The following INTS4 variants were observed in gnomAD, a reference collection of about 807,000 sequenced individuals.
The protein encoded by INTS4 is integrator complex subunit 4.
Under a neutral mutation model 119.5 loss-of-function variants are expected in INTS4, and 70 were observed. That is an observed-to-expected ratio of 0.59 (90% confidence interval 0.48 to 0.71). The LOEUF is 0.71. Ranked by LOEUF, INTS4 falls within the 30% of genes least tolerant of loss-of-function variation. INTS4 has a pLI of 0.00. For missense variants in INTS4, 867 were observed against 1,173.2 expected (o/e 0.74, Z 3.81); for synonymous variants, 316 against 419.6 (o/e 0.75, Z 3.02).
intron 15 of INTS4, 73 bp from the exon 16 acceptor site, chr11:77,907,883 G>A: frequency 2.1e-6 from 2 of 957,218 alleles, no homozygotes; most frequent in Admixed American, 2.1e-5. Flanking sequence ...CATGTCAAAA[G>A]CATTTTATCA....
rs1591099874 is a variant in INTS4 at position 77,952,569 on chromosome 11, T to C, written c.918+3373A>G. ...CTCATTTAGTAGGCCAGGAACTCTA[T>C]ACATAGTAGTAATTATTATTATCAG... On this transcript the variant is annotated intron_variant, in intron 8 of 22. Transcript: ENST00000534064. Among the ~76,000 whole-genome samples the C allele has an allele frequency of 2.0e-5, 3 of 152,334 alleles. No individual in the cohort carries two copies. In the East Asian group the frequency reaches 5.8e-4, roughly 29 times the overall value.
intron 8 of INTS4, among the ~76,000 whole-genome samples, chr11:77,955,053 T>G (rs1331550916): frequency 6.8e-6 from 1 of 147,708 alleles, no homozygotes; most frequent in African/African-American, 2.4e-5. Context: ...ATTAAGAAAT[T>G]CTGGGGCTGG....
At chr11:77,948,077 G>A (rs1161532994) in intron 8 of INTS4, among the ~76,000 whole-genome samples, 1 of 152,050 alleles carries the variant, frequency 6.6e-6, no homozygotes, top group Non-Finnish European at 1.5e-5. Context: ...TCAAACTCAT[G>A]AGCTCAAGTG....
intron 7 of INTS4, among the ~76,000 whole-genome samples, chr11:77,956,886 A>G (rs1461140306): frequency 3.9e-5 from 6 of 152,176 alleles, no homozygotes; most frequent in Non-Finnish European, 8.8e-5. Context: ...ACAGTTTGGA[A>G]TAAACAAATC....
intron 1 of INTS4, among the ~76,000 whole-genome samples, chr11:77,992,031 C>T (rs973069201): frequency 5.9e-5 from 9 of 151,930 alleles, no homozygotes; most frequent in Non-Finnish European, 1.3e-4. Context: ...GCCATGTTAC[C>T]CAGGCTGGTT....
rs553976871 is a variant in INTS4, at chr11:77,944,230, T to C, written c.919-2979A>G. 5.3e-5 allele frequency among the ~76,000 whole-genome samples: 8 copies of C among 152,306 alleles called. No individual in the cohort carries two copies. In the South Asian group the frequency reaches 8.3e-4, roughly 16 times the overall value. ...GAAACTATTCACTTTTTAAGCAAGA[T>C]AGACTCGAGGCTACAAAGCTAAGTT... On this transcript the variant is annotated intron_variant, in intron 8 of 22. Transcript: ENST00000534064.
intron 16 of INTS4, among the ~76,000 whole-genome samples, chr11:77,904,272 A>G (rs1446807894): frequency 6.6e-6 from 1 of 152,236 alleles, no homozygotes; most frequent in East Asian, 1.9e-4. Context: ...GACATTACAG[A>G]AAACCTAGAC....
At chr11:77,994,005 G>A (rs1856799624) in intron 1 of INTS4, among the ~76,000 whole-genome samples, 1 of 152,056 alleles carries the variant, frequency 6.6e-6, no homozygotes, top group African/African-American at 2.4e-5. Context: ...ACAACTTCAT[G>A]GTGAGGAAGG....
Position 77,883,742 on chromosome 11 carries a change from T to C in INTS4, c.2713+90A>G. 2.2e-6 allele frequency: 3 copies of C among 1,379,890 alleles called. 1 individual carries two copies. Among genetic ancestry groups the C allele is most frequent in the South Asian group, 2.6e-5 (2 of 76,836 alleles). 85.5% of individuals were successfully genotyped at this position (1,379,890 alleles called of 1,614,324 possible). A position where few individuals can be genotyped will look rare whatever the true frequency, so the allele number is the denominator to read the frequency against. ...TTACAAGGCCTGATTCATCCATGTA[T>C]TTTTTTCAAACTTTAAAAACCAAAC... On this transcript the variant is annotated intron_variant, in intron 22 of 22. Coordinates refer to ENST00000534064, the MANE Select transcript of INTS4 (RefSeq NM_033547.4).
intron 14 of INTS4, among the ~76,000 whole-genome samples, chr11:77,919,313 CAG>C (rs778998031): frequency 7.3e-5 from 11 of 150,256 alleles, no homozygotes; most frequent in African/African-American, 1.2e-4. Flanking sequence ...TTTTTTTAGA[CAG>C]AGTTTCACTC....
intron 16 of INTS4, among the ~76,000 whole-genome samples, chr11:77,904,853 T>C (rs1952894549): frequency 6.6e-6 from 1 of 152,226 alleles, no homozygotes; most frequent in Non-Finnish European, 1.5e-5. Context: ...AGTTGTATCA[T>C]GTTAGGCACA....
At chr11:77,928,296 G>A (rs377635978) in intron 11 of INTS4, 46 bp downstream of exon 11, 1 of 1,597,804 alleles carries the variant, frequency 6.3e-7, no homozygotes, top group Non-Finnish European at 8.6e-7. Flanking sequence ...TTTTAACAGG[G>A]GGGGGTGAGG....
intron 10 of INTS4, among the ~76,000 whole-genome samples, chr11:77,933,995 G>T (rs1269333997): frequency 6.6e-6 from 1 of 152,166 alleles, no homozygotes; most frequent in Non-Finnish European, 1.5e-5. Context: ...GATTGTTGCT[G>T]TGTCTGTGTA....
In INTS4 at chr11:77,901,408, C is replaced by T; in HGVS notation, c.2228+13G>A. 6.2e-7 allele frequency: 1 copy of T among 1,613,844 alleles called. No individual in the cohort carries two copies. The highest frequency in any genetic ancestry group is 8.5e-7 in the Non-Finnish European group (1 of 1,179,770). ...GGAACATGCCACATATTTTGGCCAA[C>T]CCCACATCTTACCCTCGTGTAGTTC... On this transcript the variant is annotated intron_variant, in intron 18 of 22. Coordinates refer to ENST00000534064, the MANE Select transcript of INTS4 (RefSeq NM_033547.4).
rs866466849 is a variant in INTS4, at chr11:77,895,381, T to C, written c.2229-1032A>G. Among the ~76,000 whole-genome samples the C allele has an allele frequency of 5.9e-5, 9 of 151,978 alleles. No individual in the cohort carries two copies. In the South Asian group the frequency reaches 1.7e-3, roughly 28 times the overall value. On this transcript the variant is annotated intron_variant, in intron 18 of 22. Coordinates refer to ENST00000534064, the MANE Select transcript of INTS4 (RefSeq NM_033547.4). ...TCTTTTTATTAAAATATAGTCTCCA[T>C]GAGTAGACTTTGTATTCTTCATCAT... is the stretch of plus-strand genomic sequence containing the variant.
At chr11:77,947,555 C>T (rs988887638) in intron 8 of INTS4, among the ~76,000 whole-genome samples, 2 of 152,138 alleles carry the variant, frequency 1.3e-5, no homozygotes, top group African/African-American at 2.4e-5. Context: ...CATAAAAACA[C>T]ACAAAAGTAT....
At chr11:77,974,636 T>A (rs2136626503) in intron 4 of INTS4, among the ~76,000 whole-genome samples, 1 of 150,404 alleles carries the variant, frequency 6.6e-6, no homozygotes, top group Admixed American at 6.6e-5. Context: ...AAGGTCTTGC[T>A]CTGCTACCCA....
intron 4 of INTS4, among the ~76,000 whole-genome samples, chr11:77,977,572 AAGAC>A (rs1856002207): frequency 1.3e-5 from 2 of 151,908 alleles, no homozygotes; most frequent in African/African-American, 4.8e-5. Flanking sequence ...CATATATCAA[AAGAC>A]AAATAATGAT....
intron 21 of INTS4, among the ~76,000 whole-genome samples, chr11:77,886,131 A>C (rs1234313571): frequency 6.6e-6 from 1 of 152,050 alleles, no homozygotes; most frequent in African/African-American, 2.4e-5. Context: ...CCTTGGACAC[A>C]GAAGTTTGAG....
Sources: allele counts gnomAD v4.1 joint callset (sites outside exome capture counted in the v4.1 genomes callset), GRCh38; gene constraint gnomAD v4.1.1; transcripts MANE v1.5; gene names NCBI Gene and HGNC (gene_info 2026-07-23, HGNC 2026-07-21).